Variants in PTCH1 observed in about 807,000 individuals in gnomAD.
The protein encoded by PTCH1 is protein patched homolog 1.
Under a neutral mutation model 144.6 loss-of-function variants are expected in PTCH1, and 14 were observed. That is an observed-to-expected ratio of 0.10 (90% CI 0.06 to 0.15). PTCH1 has a LOEUF of 0.15. Among genes scored for constraint, PTCH1 ranks in the 10% least tolerant of loss-of-function variants. The probability of loss-of-function intolerance (pLI) is 1.00; values close to 1 mark genes in which losing one functional copy is unlikely to be tolerated. For synonymous variants in PTCH1, 833 were observed against 793.6 expected, an observed-to-expected ratio of 1.05 and a Z score of -0.83; for missense variants, 1,623 against 1,948.3, an observed-to-expected ratio of 0.83 and a Z score of 3.14.
At chr9:95,492,834 G>A (rs1387593612) in intron 2 of PTCH1, among the ~76,000 whole-genome samples, 1 of 151,626 alleles carries the variant, frequency 6.6e-6, no homozygotes, top group Non-Finnish European at 1.5e-5. Flanking sequence ...TTTTTCAGTA[G>A]GGCTCCCTGG....
At chr9:95,507,922 A>ACACG (rs1843848469) in intron 1 of PTCH1, 4 of 1,338,480 alleles carry the variant, frequency 3.0e-6, no homozygotes, top group African/African-American at 1.5e-5. Flanking sequence ...ACACACACGC[A>ACACG]CACACACACA....
intron 1 of PTCH1, chr9:95,507,579 C>G (rs568235277): frequency 4.8e-6 from 2 of 415,236 alleles, no homozygotes; most frequent in African/African-American, 2.2e-5. Flanking sequence ...GGGGGGATAT[C>G]TTTTTCCGAG....
rs937023804 is a variant in PTCH1, at chr9:95,479,023, C to T, written c.1192G>A (p.Ala398Thr). 4 of 1,614,096 alleles carry T rather than the reference C, an allele frequency of 2.5e-6. No homozygotes were observed. In the African/African-American group the frequency reaches 5.3e-5, roughly 22 times the overall value. Residue 398 changes from alanine to threonine, a missense_variant, in exon 8 of 24, where the codon GCC (alanine) becomes ACC (threonine). Transcript: ENST00000331920. Reference protein sequence around the residue: ...NEDKAAAILEAWQRTYVEVVH... With the variant: ...NEDKAAAILETWQRTYVEVVH... ...ACCTCCACATATGTCCTCTGCCAGG[C>T]CTCCAGGATGGCTGCCGCTTTGTCC...
chr9:95,449,031 G>T lies in PTCH1; in HGVS notation c.3804+38C>A. ...GGACCTCCAGGCCCACTACCACGGTGGGAAGACCCCTCCCCCTGGTTCTGC... is the reference window on the plus strand; with the variant it reads ...GGACCTCCAGGCCCACTACCACGGTTGGAAGACCCCTCCCCCTGGTTCTGC... On this transcript the variant is annotated intron_variant, in intron 22 of 23. Coordinates refer to ENST00000331920, the MANE Select transcript of PTCH1 (RefSeq NM_000264.5). This position sits in a 1 kb window ranked among gnomAD's most constrained non-coding sequence, Gnocchi z 5.3. 1 of 1,612,306 alleles carries T rather than the reference G, an allele frequency of 6.2e-7. No individual in the cohort carries two copies.
At chr9:95,454,053 G>A (rs942529741) in intron 19 of PTCH1, among the ~76,000 whole-genome samples, 1 of 152,158 alleles carries the variant, frequency 6.6e-6, no homozygotes. Context: ...ACTTCCTCAC[G>A]ATTATGCAGA....
At chr9:95,446,441 G>C (rs775294436) in intron 23 of PTCH1, 50 bp from the exon 24 acceptor site, 2 of 517,780 alleles carry the variant, frequency 3.9e-6, no homozygotes, top group Admixed American at 2.0e-5. Flanking sequence ...AGGTGTGCAA[G>C]TCCGTATTTA....
rs2136575254 is a variant in PTCH1 at position 95,447,114 on chromosome 9, A to G, written c.4142T>C (p.Val1381Ala). 1 of 1,613,452 alleles carries G rather than the reference A, an allele frequency of 6.2e-7. No individual in the cohort carries two copies. The change falls in exon 23 of 24, where the codon GTG becomes GCG. Residue 1381 changes from valine to alanine, a missense_variant. Coordinates refer to ENST00000331920, the MANE Select transcript of PTCH1 (RefSeq NM_000264.5). ...AGGCCCAGGGACAGGCGGCGGGTGC[A>G]CGGCGACAGTCACGGAGGCAGAAGC... ...VTASASVTVA[V>A]HPPPVPGPGR...
At chr9:95,484,550 T>C (rs1841828195) in intron 3 of PTCH1, among the ~76,000 whole-genome samples, 1 of 152,222 alleles carries the variant, frequency 6.6e-6, no homozygotes, top group South Asian at 2.1e-4. Context: ...TCTCCCTGGC[T>C]GCTGAATATG....
chr9:95,514,583 G>A (rs1158374673), intron 1 of PTCH1: 2 of 151,856 alleles, frequency 1.3e-5, no homozygotes, highest in South Asian at 2.1e-4. Context: ...GTCTCAATAG[G>A]GCATTATACA....
intron 2 of PTCH1, among the ~76,000 whole-genome samples, chr9:95,500,024 G>GA (rs1456734633): frequency 6.6e-6 from 1 of 152,088 alleles, no homozygotes; most frequent in Non-Finnish European, 1.5e-5. Context: ...CTTTGAAGGA[G>GA]AAACTCAAAT....
intron 15 of PTCH1, among the ~76,000 whole-genome samples, chr9:95,462,344 CGTTT>C (rs1839562232): frequency 6.6e-6 from 1 of 152,158 alleles, no homozygotes; most frequent in South Asian, 2.1e-4. Flanking sequence ...GGTCATTAAC[CGTTT>C]CGTGCCACTC....
intron 12 of PTCH1, among the ~76,000 whole-genome samples, chr9:95,470,133 C>T (rs552579378): frequency 5.9e-5 from 9 of 152,266 alleles, no homozygotes; most frequent in African/African-American, 1.9e-4. Flanking sequence ...TGTTTCTGGG[C>T]CTTTCTATCT....
chr9:95,486,160 AACTTGAG>A (rs776518968), intron 2 of PTCH1, among the ~76,000 whole-genome samples: 4 of 152,240 alleles, frequency 2.6e-5, no homozygotes, highest in Admixed American at 6.5e-5. Context: ...CAGAAAGGAA[AACTTGAG>A]ACACCTTTTC....
intron 1 of PTCH1, 125 bp from the exon 2 acceptor site, chr9:95,506,724 C>T: frequency 1.8e-6 from 2 of 1,100,752 alleles, no homozygotes; most frequent in African/African-American, 1.7e-5. Flanking sequence ...CCGCGGCACA[C>T]GGACTCGCCC....
At chr9:95,484,481 A>T (rs1362837755) in intron 3 of PTCH1, among the ~76,000 whole-genome samples, 1 of 152,206 alleles carries the variant, frequency 6.6e-6, no homozygotes, top group African/African-American at 2.4e-5. Flanking sequence ...TCGAGCTGGA[A>T]TGTAAGCAGA....
At position 95,467,328 on chromosome 9, in the gene PTCH1, C is replaced by T. The variant is rs779296683; in HGVS notation, c.2348G>A (p.Arg783Gln). 16 of 1,614,004 alleles carry T rather than the reference C, an allele frequency of 9.9e-6. No individual in the cohort carries two copies. The highest frequency in any genetic ancestry group is 2.7e-5 in the African/African-American group (2 of 74,884). Residue 783 changes from arginine (R) to glutamine (Q), a missense_variant, in exon 15 of 24, where the codon CGG (arginine) becomes CAG (glutamine). Around this residue, in one of 7 missense-constraint regions of PTCH1, gnomAD observed 504 missense variants for 679.3 expected, o/e 0.74. Transcript: ENST00000331920. The stretch of plus-strand genomic sequence containing the variant: ...AATAAAGTCATATTCTCTGGTTTCC[C>T]GAGGTACAATGTCCGTAAGGTCCAG... ...DGLDLTDIVPRETREYDFIAA... is the reference protein window; with the variant it reads ...DGLDLTDIVPQETREYDFIAA...
chr9:95,457,260 G>A (rs913575712), intron 18 of PTCH1, among the ~76,000 whole-genome samples: 1 of 151,836 alleles, frequency 6.6e-6, no homozygotes, highest in Non-Finnish European at 1.5e-5. Flanking sequence ...GGGCAGAGGT[G>A]GAGGGAGGGG....
intron 12 of PTCH1, among the ~76,000 whole-genome samples, chr9:95,475,189 C>T (rs761847489): frequency 5.3e-5 from 8 of 152,160 alleles, no homozygotes; most frequent in Non-Finnish European, 1.2e-4. Flanking sequence ...TTACTCCAGG[C>T]GCAGAACGGA....
intron 2 of PTCH1, among the ~76,000 whole-genome samples, chr9:95,504,477 A>C (rs1168009382): frequency 2.0e-5 from 3 of 152,242 alleles, no homozygotes; most frequent in African/African-American, 4.8e-5. Flanking sequence ...AGAACACCAC[A>C]AAATCACGTT....
Sources: allele counts gnomAD v4.1 joint callset (sites outside exome capture counted in the v4.1 genomes callset), GRCh38; gene constraint gnomAD v4.1.1; regional missense constraint gnomAD v4.1.1; non-coding constraint Gnocchi (gnomAD v3.1); transcripts MANE v1.5; gene names NCBI Gene and HGNC (gene_info 2026-07-23, HGNC 2026-07-21).